The following KAZN variants were observed in gnomAD, a reference collection of about 807,000 sequenced individuals.
KAZN encodes the protein kazrin, periplakin interacting protein, also known as kazrin.
In KAZN, 40 loss-of-function variants were observed where a neutral mutation model predicts 87.4. That is an observed-to-expected ratio of 0.46 (90% CI 0.36 to 0.60). The LOEUF (loss-of-function observed/expected upper bound fraction) is 0.60. KAZN is among the 20% of genes least tolerant of loss of function. The pLI, the probability that KAZN is intolerant of heterozygous loss-of-function variation, is 0.00. For missense variants in KAZN, 898 were observed against 1,073.9 expected, an observed-to-expected ratio of 0.84 and a Z score of 2.29; for synonymous variants, 466 against 458.3, an observed-to-expected ratio of 1.02 and a Z score of -0.22.
chr1:14,730,511 C>A (rs2100358364), intron 1 of KAZN, among the ~76,000 whole-genome samples: 2 of 152,228 alleles, frequency 1.3e-5, no homozygotes, highest in South Asian at 4.2e-4. Flanking sequence ...CCTGTGATTG[C>A]CATTTTACTG....
At chr1:14,100,028 A>G (rs1644214630) in intron 1 of KAZN, among the ~76,000 whole-genome samples, 1 of 152,134 alleles carries the variant, frequency 6.6e-6, no homozygotes, top group Admixed American at 6.5e-5. Context: ...AAAGTACTGG[A>G]GAATGGCCAT....
chr1:15,083,231 A>G (rs1344749492), intron 8 of KAZN, among the ~76,000 whole-genome samples: 1 of 152,222 alleles, frequency 6.6e-6, no homozygotes, highest in Non-Finnish European at 1.5e-5. Context: ...AAGCCTGTGC[A>G]GCCCCTTTTA....
At chr1:15,061,380 G>A (rs1638782166) in intron 6 of KAZN, 1 of 152,240 alleles carries the variant, frequency 6.6e-6, no homozygotes, top group African/African-American at 2.4e-5. Context: ...AAACTTCAGA[G>A]AAGCTGCCTC....
chr1:14,666,231 G>T (rs955098609), intron 1 of KAZN, among the ~76,000 whole-genome samples: 1 of 152,000 alleles, frequency 6.6e-6, no homozygotes, highest in Non-Finnish European at 1.5e-5. Flanking sequence ...AGAAGTGATT[G>T]AATATGGGAC....
At chr1:15,103,188 A>G (rs372800170) in intron 11 of KAZN, among the ~76,000 whole-genome samples, 171 bp from the exon 12 acceptor site, 1 of 152,154 alleles carries the variant, frequency 6.6e-6, no homozygotes, top group South Asian at 2.1e-4. Context: ...AATTGCTTGA[A>G]CCTGGGAGGC....
intron 1 of KAZN, among the ~76,000 whole-genome samples, chr1:13,943,173 A>C (rs576189944): frequency 6.0e-4 from 91 of 152,354 alleles, no homozygotes; most frequent in Admixed American, 1.1e-3. Flanking sequence ...GATCATCACA[A>C]AACTTATGAA....
Position 14,846,810 on chromosome 1 carries a change from T to C in KAZN, c.227-113874T>C, listed in dbSNP as rs1449527624. On this transcript the variant is annotated intron_variant, in intron 1 of 14. Transcript: ENST00000376030. ...AGTAACTTAAGCATTTCCACCTTTA[T>C]TAACTATAGTCTTCTTATATAGGAA... Among the ~76,000 whole-genome samples the C allele has an allele frequency of 3.3e-5, 5 of 152,290 alleles. No individual in the cohort carries two copies. The East Asian group carries it at 9.7e-4, about 29-fold the overall frequency.
intron 1 of KAZN, among the ~76,000 whole-genome samples, chr1:13,907,559 C>T (rs1639492190): frequency 6.6e-6 from 1 of 152,228 alleles, no homozygotes; most frequent in South Asian, 2.1e-4. Context: ...CTGGCATTAT[C>T]TGGTCTCTGT....
chr1:14,513,469 C>T (rs1465235130), intron 2 of KAZN, among the ~76,000 whole-genome samples: 2 of 152,124 alleles, frequency 1.3e-5, no homozygotes, highest in Non-Finnish European at 2.9e-5. Flanking sequence ...GTTATGTGTA[C>T]GAGTGTTTCT....
At chr1:14,474,680 GC>G (rs1287841928) in intron 2 of KAZN, among the ~76,000 whole-genome samples, 1 of 152,138 alleles carries the variant, frequency 6.6e-6, no homozygotes, top group Non-Finnish European at 1.5e-5. Flanking sequence ...GAAATAATAT[GC>G]CCCTTGGTAG....
chr1:14,348,457 A>T (rs1182293130), intron 2 of KAZN, among the ~76,000 whole-genome samples: 4 of 152,232 alleles, frequency 2.6e-5, no homozygotes, highest in Non-Finnish European at 5.9e-5. Context: ...CCTATTTATA[A>T]GTAACATTTG....
intron 1 of KAZN, among the ~76,000 whole-genome samples, chr1:14,065,392 G>A (rs181774960): frequency 6.6e-6 from 1 of 152,308 alleles, no homozygotes; most frequent in African/African-American, 2.4e-5. Flanking sequence ...CAAACACTGT[G>A]TTAGGGTAAA....
chr1:14,497,863 G>A (rs1670033604), intron 2 of KAZN, among the ~76,000 whole-genome samples: 1 of 152,048 alleles, frequency 6.6e-6, no homozygotes, highest in African/African-American at 2.4e-5. Flanking sequence ...CAATGTAGAA[G>A]AAAAGGCAGA....
At chr1:15,087,466 C>A (rs1420887621) in intron 8 of KAZN, among the ~76,000 whole-genome samples, 1 of 150,596 alleles carries the variant, frequency 6.6e-6, no homozygotes, top group Non-Finnish European at 1.5e-5. Context: ...GATCTCAGCT[C>A]ACTGCAACCC....
chr1:14,365,368 TGG>T (rs796259489), intron 2 of KAZN, among the ~76,000 whole-genome samples: 9,156 of 83,128 alleles, frequency 0.11, 529 homozygotes, highest in African/African-American at 0.18. Flanking sequence ...CCCCCCGGGG[TGG>T]GGGGGGGGGG....
At chr1:14,161,386 A>G (rs1262812075) in intron 1 of KAZN, among the ~76,000 whole-genome samples, 2 of 152,226 alleles carry the variant, frequency 1.3e-5, no homozygotes, top group Non-Finnish European at 2.9e-5. Flanking sequence ...GCTTGACTGC[A>G]ACCGAAGGTT....
At chr1:14,138,978 T>G (rs1645172596) in intron 1 of KAZN, among the ~76,000 whole-genome samples, 1 of 152,212 alleles carries the variant, frequency 6.6e-6, no homozygotes, top group Non-Finnish European at 1.5e-5. Context: ...GGCCAGCACA[T>G]GTGGATGAAG....
chr1:14,550,784 T>C (rs914702674), intron 2 of KAZN, among the ~76,000 whole-genome samples: 3 of 106,846 alleles, frequency 2.8e-5, no homozygotes, highest in African/African-American at 1.1e-4. Flanking sequence ...CTCCTGCTTA[T>C]CCAGGCACAA....
At chr1:14,772,877 A>G (rs1645057900) in intron 1 of KAZN, among the ~76,000 whole-genome samples, 1 of 151,902 alleles carries the variant, frequency 6.6e-6, no homozygotes, top group African/African-American at 2.4e-5. Flanking sequence ...TTCCCCCAGA[A>G]TTTTCCACTG....
Sources: allele counts gnomAD v4.1 joint callset (sites outside exome capture counted in the v4.1 genomes callset), GRCh38; gene constraint gnomAD v4.1.1; transcripts MANE v1.5; gene names NCBI Gene and HGNC (gene_info 2026-07-23, HGNC 2026-07-21).